ERC2: variants seen among roughly 807,000 people sequenced by gnomAD.
The protein encoded by ERC2 is ERC protein 2.
Under a neutral mutation model 114.8 loss-of-function variants are expected in ERC2, and 42 were observed. That is an observed-to-expected ratio of 0.37 (90% CI 0.29 to 0.47). The LOEUF is 0.47. Ranked by LOEUF, ERC2 falls within the 20% of genes least tolerant of loss-of-function variation. The pLI is 0.99. For missense variants in ERC2, 939 were observed against 1,150.7 expected (o/e 0.82, Z 2.66); for synonymous variants, 454 against 425.5 (o/e 1.07, Z -0.82).
chr3:55,699,321 T>C (rs2063102077), intron 16 of ERC2, 57 bp downstream of exon 16: 3 of 1,594,274 alleles, frequency 1.9e-6, no homozygotes, highest in Non-Finnish European at 1.7e-6. Flanking sequence ...ATTTATTTTA[T>C]CTTAAAATAT....
intron 17 of ERC2, among the ~76,000 whole-genome samples, chr3:55,625,345 T>G (rs1575817156): frequency 1.6e-5 from 2 of 122,412 alleles, no homozygotes; most frequent in Admixed American, 2.1e-4. Flanking sequence ...CAAGTATGGG[T>G]GGCACAGTGA....
chr3:55,803,069 T>C (rs939965930), intron 14 of ERC2, among the ~76,000 whole-genome samples: 1 of 152,136 alleles, frequency 6.6e-6, no homozygotes, highest in Non-Finnish European at 1.5e-5. Context: ...ATGAGTATGG[T>C]GGTGATACTA....
chr3:55,929,837 C>T (rs1011257965), intron 13 of ERC2, among the ~76,000 whole-genome samples: 13 of 152,214 alleles, frequency 8.5e-5, no homozygotes, highest in African/African-American at 1.4e-4. Context: ...GACATGCCTG[C>T]GTTCCCTTCC....
intron 2 of ERC2, among the ~76,000 whole-genome samples, chr3:56,429,498 A>G (rs1439589960): frequency 6.6e-6 from 1 of 152,226 alleles, no homozygotes; most frequent in African/African-American, 2.4e-5. Context: ...ATTTAAGAAA[A>G]TATATCATGA....
At chr3:56,012,310 A>T (rs2073006786) in intron 8 of ERC2, among the ~76,000 whole-genome samples, 2 of 152,182 alleles carry the variant, frequency 1.3e-5, no homozygotes, top group African/African-American at 4.8e-5. Flanking sequence ...CTAAAGCTCC[A>T]AAAGGACCTG....
intron 14 of ERC2, among the ~76,000 whole-genome samples, chr3:55,749,745 C>T (rs778589868): frequency 1.7e-4 from 26 of 152,150 alleles, no homozygotes; most frequent in Non-Finnish European, 3.8e-4. Context: ...CAGCCAGCAG[C>T]GGCAACCCAC....
intron 1 of ERC2, among the ~76,000 whole-genome samples, chr3:56,449,378 G>A (rs930949635): frequency 1.3e-5 from 2 of 152,182 alleles, no homozygotes; most frequent in Non-Finnish European, 2.9e-5. Context: ...TCTTCCTCCA[G>A]TGGACGGTGC....
At chr3:55,832,049 G>A (rs896132847) in intron 14 of ERC2, among the ~76,000 whole-genome samples, 1 of 152,242 alleles carries the variant, frequency 6.6e-6, no homozygotes, top group Non-Finnish European at 1.5e-5. Context: ...AGCGAGGCTG[G>A]GGGAGGGGCG....
chr3:56,015,728 TG>T (rs1312674568), intron 8 of ERC2, among the ~76,000 whole-genome samples: 7 of 152,208 alleles, frequency 4.6e-5, no homozygotes, highest in African/African-American at 1.7e-4. Context: ...TACCCAGTAA[TG>T]GGATTGCTGG....
chr3:55,597,196 G>A lies in ERC2; in HGVS notation c.*40-85920C>T, dbSNP rs182350829. Among the ~76,000 whole-genome samples, 413 of 152,216 alleles carry A rather than the reference G, an allele frequency of 2.7e-3. 1 individual carries two copies. The highest frequency in any genetic ancestry group is 4.7e-3 in the Non-Finnish European group (321 of 67,998). ...AGCACTTTGGGAGGCCGAGGTGGGCGGATCACGAGGTCAGGAGATCGAGAC... is the reference window on the plus strand; with the variant it reads ...AGCACTTTGGGAGGCCGAGGTGGGCAGATCACGAGGTCAGGAGATCGAGAC... On this transcript the variant is annotated intron_variant, in intron 17 of 17. Coordinates refer to ENST00000288221, the MANE Select transcript of ERC2 (RefSeq NM_015576.3).
intron 3 of ERC2, among the ~76,000 whole-genome samples, chr3:56,257,078 G>C (rs1560471421): frequency 6.6e-6 from 1 of 152,130 alleles, no homozygotes; most frequent in South Asian, 2.1e-4. Context: ...ACCTCAGAGG[G>C]TCACCATGAG....
At chr3:55,599,397 A>G (rs1457507106) in intron 17 of ERC2, among the ~76,000 whole-genome samples, 1 of 152,252 alleles carries the variant, frequency 6.6e-6, no homozygotes, top group Admixed American at 6.5e-5. Context: ...TGAAATGCTA[A>G]TGTATTTAAA....
chr3:55,696,701 T>C lies in ERC2; in HGVS notation c.2847+2677A>G, dbSNP rs141819599. Among the ~76,000 whole-genome samples the C allele has an allele frequency of 2.1e-4, 32 of 152,322 alleles. No homozygotes were observed. In the East Asian group the frequency reaches 5.0e-3, roughly 24 times the overall value. On this transcript the variant is annotated intron_variant, in intron 16 of 17. Transcript: ENST00000288221. ...GGACTTAGATTTATAACAGTACATA[T>C]ACTGATATATTAGTTATTGGTTACC...
intron 1 of ERC2, among the ~76,000 whole-genome samples, chr3:56,455,013 A>G (rs1205509208): frequency 6.6e-6 from 1 of 152,158 alleles, no homozygotes; most frequent in African/African-American, 2.4e-5. Context: ...AAATTCATAG[A>G]GACAGAAAGT....
intron 13 of ERC2, among the ~76,000 whole-genome samples, chr3:55,898,265 T>C (rs1233262236): frequency 6.6e-6 from 1 of 151,752 alleles, no homozygotes; most frequent in Admixed American, 6.6e-5. Context: ...GCTGTGGGGG[T>C]GTGCTTCTGG....
intron 14 of ERC2, among the ~76,000 whole-genome samples, chr3:55,779,327 C>CAAAAA (rs60185894): frequency 3.8e-4 from 24 of 62,458 alleles, no homozygotes; most frequent in South Asian, 1.2e-3. Context: ...ACTAAAAATA[C>CAAAAA]AAAAAAAAAA....
intron 3 of ERC2, among the ~76,000 whole-genome samples, chr3:56,205,614 G>A (rs958712048): frequency 8.5e-5 from 13 of 152,082 alleles, no homozygotes; most frequent in South Asian, 4.2e-4. Context: ...AATAACAACC[G>A]TCTTGCCAGC....
intron 2 of ERC2, among the ~76,000 whole-genome samples, chr3:56,412,485 C>T (rs542251697): frequency 1.4e-4 from 21 of 152,354 alleles, no homozygotes; most frequent in African/African-American, 4.3e-4. Context: ...TTCATTGGCA[C>T]GCTGTCAAGC....
At chr3:56,207,198 T>C (rs1015502951) in intron 3 of ERC2, among the ~76,000 whole-genome samples, 1 of 152,160 alleles carries the variant, frequency 6.6e-6, no homozygotes, top group African/African-American at 2.4e-5. Context: ...ATCTTTATGA[T>C]AATATTATGT....
Sources: allele counts gnomAD v4.1 joint callset (sites outside exome capture counted in the v4.1 genomes callset), GRCh38; gene constraint gnomAD v4.1.1; transcripts MANE v1.5; gene names NCBI Gene and HGNC (gene_info 2026-07-23, HGNC 2026-07-21).